IL31RA: variants seen among roughly 807,000 people sequenced by gnomAD.
The protein encoded by IL31RA is interleukin-31 receptor subunit alpha.
IL31RA carries 66 observed loss-of-function variants against 83.7 expected under a neutral mutation model. The ratio of observed to expected loss-of-function variants is 0.79; its 90% CI spans 0.65 to 0.97. The LOEUF is 0.97. Among genes scored for constraint, IL31RA ranks in the 50% least tolerant of loss-of-function variants. The pLI, the probability that IL31RA is intolerant of heterozygous loss-of-function variation, is 0.00. For synonymous variants in IL31RA, 325 were observed against 329.0 expected (o/e 0.99, Z 0.13); for missense variants, 798 against 919.4 (o/e 0.87, Z 1.71).
At chr5:55,899,858 C>A in intron 7 of IL31RA, 58 bp from the exon 8 acceptor site, 1 of 1,259,030 alleles carries the variant, frequency 7.9e-7, no homozygotes, top group South Asian at 1.2e-5. Context: ...TTCTCACTGT[C>A]TCAATGCCTT....
intron 2 of IL31RA, among the ~76,000 whole-genome samples, chr5:55,865,221 G>A (rs1163275046): frequency 6.6e-6 from 1 of 152,170 alleles, no homozygotes; most frequent in East Asian, 1.9e-4. Flanking sequence ...GTTAACTTTG[G>A]TCTTTTTAAG....
At chr5:55,879,834 T>C (rs2112422396) in intron 4 of IL31RA, among the ~76,000 whole-genome samples, 1 of 152,002 alleles carries the variant, frequency 6.6e-6, no homozygotes, top group East Asian at 1.9e-4. Flanking sequence ...CAGTTCTTAA[T>C]GAGATATTCT....
intron 3 of IL31RA, among the ~76,000 whole-genome samples, chr5:55,870,991 T>A (rs188279490): frequency 6.6e-6 from 1 of 152,238 alleles, no homozygotes; most frequent in Admixed American, 6.5e-5. Context: ...ACTACAATTA[T>A]AGTAATAACA....
chr5:55,886,899 G>A (rs1188677230), intron 5 of IL31RA, among the ~76,000 whole-genome samples: 5 of 152,246 alleles, frequency 3.3e-5, no homozygotes, highest in South Asian at 2.1e-4. Flanking sequence ...TGAGGGCCTG[G>A]GCCTGGTCCC....
At chr5:55,891,969 G>A (rs1192959379) in intron 6 of IL31RA, among the ~76,000 whole-genome samples, 3 of 151,702 alleles carry the variant, frequency 2.0e-5, no homozygotes, top group Admixed American at 2.0e-4. Context: ...TAGAGATGGA[G>A]TTTCACCGTG....
chr5:55,904,198 A>G (rs1748994089), intron 8 of IL31RA, among the ~76,000 whole-genome samples: 1 of 152,174 alleles, frequency 6.6e-6, no homozygotes, highest in Non-Finnish European at 1.5e-5. Flanking sequence ...ATACAATTCA[A>G]CCTGTAACAG....
rs542674409 is a variant in IL31RA at position 55,865,528 on chromosome 5, T to A, written c.155-3263T>A. Among the ~76,000 whole-genome samples, 356 of 152,290 alleles carry A rather than the reference T, an allele frequency of 2.3e-3. 1 individual carries two copies. Among genetic ancestry groups the A allele is most frequent in the Middle Eastern group, 0.02 (6 of 294 alleles). ...CAAACACACACATTTACAACCCTTT[T>A]AAAATCCCAAACCTAAACAAAACAA... On this transcript the variant is annotated intron_variant, in intron 2 of 14. Transcript: ENST00000652347.
At chr5:55,876,436 G>C (rs1048858278) in intron 4 of IL31RA, among the ~76,000 whole-genome samples, 3 of 152,134 alleles carry the variant, frequency 2.0e-5, no homozygotes, top group Non-Finnish European at 4.4e-5. Flanking sequence ...CTCTAATTGA[G>C]ATACGTCCTT....
At chr5:55,851,068 C>T (rs894508082), upstream of IL31RA, among the ~76,000 whole-genome samples, 11 of 150,744 alleles carry the variant, frequency 7.3e-5, no homozygotes, top group African/African-American at 2.0e-4. Context: ...GCACTCCAGC[C>T]TAAGCAACAA....
chr5:55,839,943 T>G, the IL31RA span: 3 of 663,828 alleles, frequency 4.5e-6, no homozygotes, highest in East Asian at 5.4e-5. Context: ...GAAGAAACGC[T>G]GCACTTCATC....
At chr5:55,901,800 C>T (rs1400969160) in intron 8 of IL31RA, among the ~76,000 whole-genome samples, 6 of 151,326 alleles carry the variant, frequency 4.0e-5, no homozygotes, top group Non-Finnish European at 8.8e-5. Flanking sequence ...TTTTTAGTAG[C>T]GACGGGGTTT....
intron 3 of IL31RA, among the ~76,000 whole-genome samples, chr5:55,872,044 G>C (rs1323417992): frequency 6.6e-6 from 1 of 152,042 alleles, no homozygotes. Context: ...ATCCAAAGAG[G>C]TTTTCATGGC....
chr5:55,900,191 A>T, intron 8 of IL31RA, 59 bp downstream of exon 8: 1 of 1,236,458 alleles, frequency 8.1e-7, no homozygotes, highest in Non-Finnish European at 1.2e-6. Context: ...GCCAAGGAGC[A>T]GTCCCTGTGC....
Position 55,868,792 on chromosome 5 carries a change from T to G in IL31RA, c.156T>G (p.Ala52=). ...TGTGTGTGTGTTTAATTTATTTAGC[T>G]CTGCCAGCTAAGCCTGAGAACATTT... ...LPSLCKFSLA[A]LPAKPENISC... Residue 52 remains alanine, a splice_region_variant and synonymous_variant, in exon 3 of 15, where the codon GCT becomes GCG. Transcript: ENST00000652347. 6.4e-7 allele frequency: 1 copy of G among 1,553,078 alleles called. No homozygotes were observed. The highest frequency in any genetic ancestry group is 1.1e-5 in the South Asian group (1 of 89,810).
rs751821777 is a variant in IL31RA, at chr5:55,907,426, G to A, written c.1320G>A (p.Glu440=). The change falls in exon 10 of 15, where the codon GAG becomes GAA. Residue 440 remains glutamate (E), a synonymous_variant. Coordinates refer to ENST00000652347, the MANE Select transcript of IL31RA (RefSeq NM_139017.7). ...CAATGTTGCATGACAAAGTTGGCGA[G>A]CCATATTCCATCCAGGCTTATGCCA... ...VYPMLHDKVG[E]PYSIQAYAKE... The A allele has an allele frequency of 2.3e-5, 37 of 1,613,374 alleles. No individual in the cohort carries two copies. The highest frequency in any genetic ancestry group is 2.8e-5 in the Non-Finnish European group (33 of 1,179,414).
intron 2 of IL31RA, among the ~76,000 whole-genome samples, chr5:55,863,132 G>A (rs978562154): frequency 1.3e-5 from 2 of 152,184 alleles, no homozygotes; most frequent in African/African-American, 4.8e-5. Flanking sequence ...AAGTAGAAGT[G>A]AAGTCTAACA....
intron 4 of IL31RA, among the ~76,000 whole-genome samples, chr5:55,882,377 AC>A (rs1412225222): frequency 6.6e-6 from 1 of 152,264 alleles, no homozygotes; most frequent in Non-Finnish European, 1.5e-5. Flanking sequence ...TTTTTAAAAA[AC>A]AAAAGCTTTA....
Position 55,908,370 on chromosome 5 carries a change from A to G in IL31RA, c.1460A>G (p.Asn487Ser). Residue 487 changes from asparagine to serine, a missense_variant, in exon 11 of 15, where the codon AAC (asparagine) becomes AGC (serine). Coordinates refer to ENST00000652347, the MANE Select transcript of IL31RA (RefSeq NM_139017.7). ...AGTGAGAGAAAGGGTATCATCTGCA[A>G]CTACACCATCTTTTACCAAGCTGAA... Reference protein sequence around the residue: ...PKSERKGIICNYTIFYQAEGG... With the variant: ...PKSERKGIICSYTIFYQAEGG... 6.2e-7 allele frequency: 1 copy of G among 1,614,182 alleles called. No homozygotes were observed. Among genetic ancestry groups the G allele is most frequent in the Non-Finnish European group, 8.5e-7 (1 of 1,180,048 alleles).
intron 5 of IL31RA, 107 bp downstream of exon 5, chr5:55,883,302 TAGAAG>T (rs1215824122): frequency 1.1e-5 from 12 of 1,051,988 alleles, no homozygotes; most frequent in Non-Finnish European, 1.4e-6. Flanking sequence ...ACATTAAAAA[TAGAAG>T]AGAGACATTG....
Sources: gnomAD v4.1 joint callset for allele counts (sites outside exome capture counted in the v4.1 genomes callset) on GRCh38, gnomAD v4.1.1 for gene constraint, MANE v1.5 for transcripts, NCBI Gene and HGNC (gene_info 2026-07-23, HGNC 2026-07-21) for gene names.